Variants in LMNB1 observed in about 807,000 individuals in gnomAD.
The protein encoded by LMNB1 is lamin-B1.
LMNB1 carries 23 observed loss-of-function variants against 67.1 expected under a neutral mutation model. The ratio of observed to expected loss-of-function variants is 0.34; its 90% CI spans 0.25 to 0.49. The LOEUF is 0.49. Ranked by LOEUF, LMNB1 falls within the 20% of genes least tolerant of loss-of-function variation. The pLI, the probability that LMNB1 is intolerant of heterozygous loss-of-function variation, is 0.99. For missense variants in LMNB1, 634 were observed against 746.5 expected (o/e 0.85, Z 1.76); for synonymous variants, 281 against 282.9 (o/e 0.99, Z 0.07).
chr5:126,782,920 G>C (rs1176582202), intron 1 of LMNB1, among the ~76,000 whole-genome samples: 1 of 151,826 alleles, frequency 6.6e-6, no homozygotes, highest in African/African-American at 2.4e-5. Context: ...AAAAACCTTT[G>C]GCTGGGCGTG....
intron 8 of LMNB1, among the ~76,000 whole-genome samples, chr5:126,824,122 A>G (rs779169688): frequency 3.3e-5 from 5 of 152,228 alleles, no homozygotes; most frequent in Non-Finnish European, 7.3e-5. Flanking sequence ...CCCTTCAGTT[A>G]CTGGCATTAA....
chr5:126,820,829 T>C, intron 6 of LMNB1, 81 bp from the exon 7 acceptor site: 1 of 1,078,836 alleles, frequency 9.3e-7, no homozygotes. Flanking sequence ...TGCCCAGCCC[T>C]TGTTTTTTTG....
chr5:126,805,923 T>C (rs1428886108), intron 3 of LMNB1, among the ~76,000 whole-genome samples: 1 of 152,204 alleles, frequency 6.6e-6, no homozygotes, highest in Non-Finnish European at 1.5e-5. Flanking sequence ...CGTAAACAGA[T>C]ATGATTTCAC....
In LMNB1 at chr5:126,805,724, A is replaced by G. The variant is rs780476556; in HGVS notation, c.642+28A>G. ...AACTATATATAATTTTGCTTTGTAAAGGAATGGAGGGGTTCTAGAATGACT... is the reference window on the plus strand; with the variant it reads ...AACTATATATAATTTTGCTTTGTAAGGGAATGGAGGGGTTCTAGAATGACT... On this transcript the variant is annotated intron_variant, in intron 3 of 10. Coordinates refer to ENST00000261366, the MANE Select transcript of LMNB1 (RefSeq NM_005573.4). 6 of 1,535,970 alleles carry G rather than the reference A, an allele frequency of 3.9e-6. No individual in the cohort carries two copies. The highest frequency in any genetic ancestry group is 2.5e-5 in the South Asian group (2 of 79,848).
rs111537827 is a variant in LMNB1 at position 126,785,480 on chromosome 5, CTT to C, written c.359+7625_359+7626del. Among the ~76,000 whole-genome samples the C allele has an allele frequency of 2.4e-3, 332 of 137,400 alleles. 1 individual carries two copies. The highest frequency in any genetic ancestry group is 7.6e-3 in the African/African-American group (287 of 37,656). 90.1% of individuals were successfully genotyped at this position (137,400 alleles called of 152,430 possible). On this transcript the variant is annotated intron_variant, in intron 1 of 10. Transcript: ENST00000261366. ...TAATTTTTTTTTTCTTTTTCTTTTT[CTT>C]TTTTTTTTTTTGTATTTTAGTAGAG... is the stretch of plus-strand genomic sequence containing the variant.
At chr5:126,798,089 T>C (rs1459706318) in intron 1 of LMNB1, among the ~76,000 whole-genome samples, 1 of 152,024 alleles carries the variant, frequency 6.6e-6, no homozygotes, top group African/African-American at 2.4e-5. Flanking sequence ...TGAGCCGTGA[T>C]TGTGCCACTG....
Position 126,778,410 on chromosome 5 carries a change from G to T in LMNB1, c.359+543G>T, listed in dbSNP as rs886269392. On this transcript the variant is annotated intron_variant, in intron 1 of 10. Transcript: ENST00000261366. ...GGAGGGACCTTCCCGCAGCATCCGCGTCTCCTGGGGGTGGGTCCCGCTTTG... is the reference window on the plus strand; with the variant it reads ...GGAGGGACCTTCCCGCAGCATCCGCTTCTCCTGGGGGTGGGTCCCGCTTTG... 7.2e-5 allele frequency among the ~76,000 whole-genome samples: 11 copies of T among 152,346 alleles called. No homozygotes were observed. The South Asian group carries it at 2.3e-3, about 32-fold the overall frequency.
At chr5:126,787,003 G>T (rs1750804093) in intron 1 of LMNB1, among the ~76,000 whole-genome samples, 1 of 152,022 alleles carries the variant, frequency 6.6e-6, no homozygotes, top group Admixed American at 6.6e-5. Context: ...TCATGACAGG[G>T]TGTTCTTTCA....
At chr5:126,808,843 T>C (rs1203002776) in intron 3 of LMNB1, among the ~76,000 whole-genome samples, 1 of 152,110 alleles carries the variant, frequency 6.6e-6, no homozygotes, top group Non-Finnish European at 1.5e-5. Context: ...TATACTTCCC[T>C]CTTGTGGCTT....
At chr5:126,807,362 A>G (rs1457923980) in intron 3 of LMNB1, among the ~76,000 whole-genome samples, 1 of 152,190 alleles carries the variant, frequency 6.6e-6, no homozygotes, top group Admixed American at 6.5e-5. Context: ...AATAATAGAA[A>G]TCTGATTATT....
intron 3 of LMNB1, among the ~76,000 whole-genome samples, chr5:126,807,553 G>A (rs550244811): frequency 1.3e-5 from 2 of 152,308 alleles, no homozygotes; most frequent in South Asian, 4.1e-4. Context: ...AAACTCTTTG[G>A]ATACTGTAGC....
intron 1 of LMNB1, among the ~76,000 whole-genome samples, chr5:126,778,805 C>T (rs1204154140): frequency 6.6e-6 from 1 of 152,046 alleles, no homozygotes; most frequent in African/African-American, 2.4e-5. Flanking sequence ...GATAGTAGAC[C>T]AGGGCAGGTG....
chr5:126,804,027 T>TA (rs1580538862), intron 1 of LMNB1, among the ~76,000 whole-genome samples: 1 of 152,152 alleles, frequency 6.6e-6, no homozygotes, highest in African/African-American at 2.4e-5. Flanking sequence ...CATTGGGTTA[T>TA]AACATTACTT....
intron 10 of LMNB1, 51 bp downstream of exon 10, chr5:126,832,852 T>G (rs1408652966): frequency 8.1e-7 from 1 of 1,234,016 alleles, no homozygotes; most frequent in Admixed American, 2.4e-5. Flanking sequence ...TTCACAGAAT[T>G]ACATGAAGAC....
At chr5:126,835,889 A>T (rs1466851834) in intron 10 of LMNB1, among the ~76,000 whole-genome samples, 2 of 152,140 alleles carry the variant, frequency 1.3e-5, no homozygotes, top group Non-Finnish European at 2.9e-5. Context: ...GGAGTTCAAG[A>T]CCAGCCTGGC....
At chr5:126,787,557 T>TTTTTTTTC (rs1750840685) in intron 1 of LMNB1, among the ~76,000 whole-genome samples, 1 of 127,344 alleles carries the variant, frequency 7.9e-6, no homozygotes, top group Admixed American at 8.1e-5. Flanking sequence ...TTTTTTTTTT[T>TTTTTTTTC]TTTTTTTGAG....
In LMNB1 at chr5:126,804,994, C is replaced by T. The variant is rs980437841; in HGVS notation, c.516+62C>T. 1.0e-5 allele frequency: 14 copies of T among 1,338,622 alleles called. No homozygotes were observed. In the East Asian group the frequency reaches 3.2e-4, roughly 31 times the overall value. The allele number at this position is 1,338,622 out of a possible 1,614,324, so 82.9% of individuals were successfully genotyped here. A position where few individuals can be genotyped will look rare whatever the true frequency, so the allele number is the denominator to read the frequency against. ...GTTAATTGCCTCATCTGCCTTAAGCCATAGTTTGATTGATTGATTGATTTT... is the reference window on the plus strand; with the variant it reads ...GTTAATTGCCTCATCTGCCTTAAGCTATAGTTTGATTGATTGATTGATTTT... On this transcript the variant is annotated intron_variant, in intron 2 of 10. Transcript: ENST00000261366.
In LMNB1 at chr5:126,821,041, G is replaced by C; in HGVS notation, c.1292G>C (p.Ser431Thr). The change falls in exon 7 of 11, where the codon AGC becomes ACC. Residue 431 changes from serine to threonine, a missense_variant. Transcript: ENST00000261366. ...VEESEASSSV[S>T]ISHSASATGN... ...GAATCAGAGGCGAGTAGTAGTGTTAGCATCTCTCATTCCGCCTCAGCCACT... is the reference window on the plus strand; with the variant it reads ...GAATCAGAGGCGAGTAGTAGTGTTACCATCTCTCATTCCGCCTCAGCCACT... 6.2e-7 allele frequency: 1 copy of C among 1,613,988 alleles called. No homozygotes were observed. The highest frequency in any genetic ancestry group is 1.1e-5 in the South Asian group (1 of 91,078).
intron 1 of LMNB1, among the ~76,000 whole-genome samples, chr5:126,779,114 T>G (rs1561731290): frequency 6.6e-6 from 1 of 152,212 alleles, no homozygotes; most frequent in Admixed American, 6.5e-5. Flanking sequence ...TGTCTTTCTG[T>G]CTGTATCTGC....
Sources: allele counts gnomAD v4.1 joint callset (sites outside exome capture counted in the v4.1 genomes callset), GRCh38; gene constraint gnomAD v4.1.1; transcripts MANE v1.5; gene names NCBI Gene and HGNC (gene_info 2026-07-23, HGNC 2026-07-21).